The following MAPT variants were observed in gnomAD, a reference collection of about 807,000 sequenced individuals.
MAPT encodes the protein microtubule-associated protein tau.
MAPT carries 34 observed loss-of-function variants against 67.9 expected under a neutral mutation model. The observed-to-expected ratio is 0.50, with a 90% CI of 0.38 to 0.67. The LOEUF is 0.67. MAPT is among the 30% of genes least tolerant of loss of function. The pLI is 0.00. For missense variants in MAPT, 881 were observed against 1,115.2 expected, an observed-to-expected ratio of 0.79 and a Z score of 2.99; for synonymous variants, 456 against 464.5, an observed-to-expected ratio of 0.98 and a Z score of 0.23.
chr17:45,941,712 T>C lies in MAPT; in HGVS notation c.-17-20609T>C, dbSNP rs1393546105. ...CTTCCTTCCTTCCTGCCTGCCTTCC[T>C]TCCTTCCTTCCTTCCTTCCTTCCTT... On this transcript the variant is annotated intron_variant, in intron 1 of 12. Coordinates refer to ENST00000262410, the MANE Select transcript of MAPT (RefSeq NM_001377265.1). 1.7e-3 allele frequency among the ~76,000 whole-genome samples: 192 copies of C among 110,236 alleles called. 4 individuals are homozygous for C. The highest frequency in any genetic ancestry group is 5.1e-3 in the Middle Eastern group (1 of 196). The allele number at this position is 110,236 out of a possible 152,430, so 72.3% of individuals were successfully genotyped here. A position where few individuals can be genotyped will look rare whatever the true frequency, so the allele number is the denominator to read the frequency against.
At chr17:45,961,472 G>A (rs2070404065) in intron 1 of MAPT, among the ~76,000 whole-genome samples, 1 of 152,210 alleles carries the variant, frequency 6.6e-6, no homozygotes, top group African/African-American at 2.4e-5. Flanking sequence ...GCCACAGCCT[G>A]ACTCCAGGAA....
At chr17:45,914,585 T>C (rs771174695) in intron 1 of MAPT, among the ~76,000 whole-genome samples, 3 of 152,176 alleles carry the variant, frequency 2.0e-5, no homozygotes, top group Non-Finnish European at 2.9e-5. Flanking sequence ...CACACAGACA[T>C]AGCCTAACTC....
At chr17:45,903,520 C>A (rs1281264479) in intron 1 of MAPT, among the ~76,000 whole-genome samples, 1 of 151,242 alleles carries the variant, frequency 6.6e-6, no homozygotes, top group African/African-American at 2.4e-5. Flanking sequence ...GAGATTGAGA[C>A]CATCCTGGCT....
intron 4 of MAPT, chr17:45,979,501 T>G (rs1282705432): frequency 6.6e-6 from 1 of 152,236 alleles, no homozygotes; most frequent in African/African-American, 2.4e-5. Flanking sequence ...TACACATTCC[T>G]GCCCCCAGAG....
rs1446770014 is a variant in MAPT, at chr17:45,997,000, C to G, written c.1998+336C>G. The stretch of plus-strand genomic sequence containing the variant: ...GGCTGTGTCTCCACGGCCGGAGGCT[C>G]TCATAGTCAGGGCACCCACAGCGGT... On this transcript the variant is annotated intron_variant, in intron 9 of 12. Transcript: ENST00000262410. This position sits in a 1 kb window ranked among gnomAD's most constrained non-coding sequence, Gnocchi z 4.5. Among the ~76,000 whole-genome samples, 1 of 152,218 alleles carries G rather than the reference C, an allele frequency of 6.6e-6. No individual in the cohort carries two copies. Among genetic ancestry groups the G allele is most frequent in the Non-Finnish European group, 1.5e-5 (1 of 68,040 alleles).
Position 45,983,403 on chromosome 17 carries a change from G to A in MAPT, c.824G>A (p.Gly275Glu), listed in dbSNP as rs757159453. ...CTTCTAGGAGACCTGCACCAGGAGG[G>A]GCCGCCGCTGAAGGGGGCAGGGGGC... Reference protein sequence around the residue: ...HQLLGDLHQEGPPLKGAGGKE... With the variant: ...HQLLGDLHQEEPPLKGAGGKE... The change falls in exon 5 of 13, where the codon GGG (glycine) becomes GAG (glutamate). Residue 275 changes from glycine (G) to glutamate (E), a missense_variant. Gly to Glu is a moderately conservative substitution (Grantham distance 98). Coordinates refer to ENST00000262410, the MANE Select transcript of MAPT (RefSeq NM_001377265.1). 48 of 1,607,376 alleles carry A rather than the reference G, an allele frequency of 3.0e-5. No individual in the cohort carries two copies. The highest frequency in any genetic ancestry group is 3.9e-5 in the Non-Finnish European group (46 of 1,176,664).
At chr17:45,949,320 G>A (rs1401742435) in intron 1 of MAPT, among the ~76,000 whole-genome samples, 4 of 152,212 alleles carry the variant, frequency 2.6e-5, no homozygotes, top group Admixed American at 1.3e-4. Context: ...CTGGAAGCTC[G>A]GTCCAGGTCC....
rs144486242 is a variant in MAPT, at chr17:45,995,501, G to A, written c.1733-898G>A. On this transcript the variant is annotated intron_variant, in intron 8 of 12. Transcript: ENST00000262410. This position sits in a 1 kb window ranked among gnomAD's most constrained non-coding sequence, Gnocchi z 4.3. ...CACTTTGGAAAATACAGACCCATGAGATAGAATACCAGACTGTTGAAGTGT... is the reference window on the plus strand; with the variant it reads ...CACTTTGGAAAATACAGACCCATGAAATAGAATACCAGACTGTTGAAGTGT... 9.9e-3 allele frequency among the ~76,000 whole-genome samples: 1,515 copies of A among 152,270 alleles called. 17 individuals carry two copies. Among genetic ancestry groups the A allele is most frequent in the African/African-American group, 0.035 (1,436 of 41,544 alleles).
At position 45,917,180 on chromosome 17, in the gene MAPT, T is replaced by G. The variant is rs1364283280; in HGVS notation, c.-18+22494T>G. 2.0e-5 allele frequency among the ~76,000 whole-genome samples: 3 copies of G among 152,236 alleles called. No homozygotes were observed. The East Asian group carries it at 5.8e-4, about 29-fold the overall frequency. On this transcript the variant is annotated intron_variant, in intron 1 of 12. Transcript: ENST00000262410. ...TCCCTGCAGCCTCCTGCCCAACTCC[T>G]CCTTCAGTGTCTTTGCTTCAGTGTC...
In MAPT at chr17:45,946,618, AT is replaced by A. The variant is rs1568215827; in HGVS notation, c.-17-15702del. On this transcript the variant is annotated intron_variant, in intron 1 of 12. Transcript: ENST00000262410. ...TGTCTTAAAAAAAAAAAAAAAAAAT[AT>A]ATATATATATATATATATATGTCAA... is the stretch of plus-strand genomic sequence containing the variant. Among the ~76,000 whole-genome samples, 309 of 98,276 alleles carry A rather than the reference AT, an allele frequency of 3.1e-3. 3 individuals are homozygous for A. The highest frequency in any genetic ancestry group is 6.2e-3 in the East Asian group (26 of 4,166). The allele number at this position is 98,276 out of a possible 152,430, so 64.5% of individuals were successfully genotyped here. A position where few individuals can be genotyped will look rare whatever the true frequency, so the allele number is the denominator to read the frequency against.
chr17:45,910,662 T>G (rs2064711477), intron 1 of MAPT: 1 of 133,376 alleles, frequency 7.5e-6, no homozygotes. Flanking sequence ...GATGGCTTTT[T>G]CCTTAAAAAA....
chr17:46,002,285 C>T (rs1302102023), intron 9 of MAPT, among the ~76,000 whole-genome samples: 2 of 151,812 alleles, frequency 1.3e-5, no homozygotes, highest in Non-Finnish European at 2.9e-5. Context: ...CTGCTGGGGA[C>T]GGTTAAGCAG....
In MAPT at chr17:45,962,392, G is replaced by T; in HGVS notation, c.55G>T (p.Gly19Trp). The T allele has an allele frequency of 6.2e-7, 1 of 1,612,662 alleles. No homozygotes were observed. The highest frequency in any genetic ancestry group is 8.5e-7 in the Non-Finnish European group (1 of 1,179,932). Residue 19 changes from glycine (G) to tryptophan (W), a missense_variant, in exon 2 of 13, where the codon GGG (glycine) becomes TGG (tryptophan). By Grantham distance (184) the Gly-to-Trp change is radical. Around this residue, in one of 6 missense-constraint regions of MAPT, gnomAD observed 687 missense variants for 766.1 expected, o/e 0.90. Transcript: ENST00000262410. ...EVMEDHAGTY[G>W]LGDRKDQGGY... is the part of the protein sequence containing the mutation. ...GATGGAAGATCACGCTGGGACGTAC[G>T]GGTTGGGGGACAGGAAAGATCAGGG...
intron 1 of MAPT, among the ~76,000 whole-genome samples, chr17:45,945,495 T>A (rs1228003650): frequency 6.6e-6 from 1 of 152,164 alleles, no homozygotes; most frequent in Non-Finnish European, 1.5e-5. Flanking sequence ...CTACAAATTA[T>A]ACCCATTGGA....
chr17:45,986,963 C>A (rs1186858977), intron 5 of MAPT, 77 bp from the exon 6 acceptor site: 1 of 1,317,372 alleles, frequency 7.6e-7, no homozygotes, highest in Non-Finnish European at 1.1e-6. Context: ...CCAGAGAAAT[C>A]CAGCTTCACC....
At position 46,024,793 on chromosome 17, in the gene MAPT, AT is replaced by A. The variant is rs1157051118; in HGVS notation, c.*623del. 5.9e-6 allele frequency: 1 copy of A among 168,718 alleles called. No homozygotes were observed. The highest frequency in any genetic ancestry group is 2.4e-5 in the African/African-American group (1 of 41,612). 10.5% of individuals were successfully genotyped at this position (168,718 alleles called of 1,614,324 possible). A position where few individuals can be genotyped will look rare whatever the true frequency, so the allele number is the denominator to read the frequency against. On this transcript the variant is annotated 3_prime_UTR_variant, in exon 13 of 13. Coordinates refer to ENST00000262410, the MANE Select transcript of MAPT (RefSeq NM_001377265.1). Reference sequence around the variant, plus strand: ...GGAAGCCACGTGCTGGAGAGTAGACATCCCCCTCCTTGCCGCTGGGAGAGCC... The same window carrying A: ...GGAAGCCACGTGCTGGAGAGTAGACACCCCCTCCTTGCCGCTGGGAGAGCC...
Position 45,996,693 on chromosome 17 carries a change from G to T in MAPT, c.1998+29G>T. 6.2e-7 allele frequency: 1 copy of T among 1,611,206 alleles called. No homozygotes were observed. ...AGAGTGGCTGGCTGCGCGTGGAGGT[G>T]TGGGGGGCTGCGCCTGGAGGGGTAG... On this transcript the variant is annotated intron_variant, in intron 9 of 12. Coordinates refer to ENST00000262410, the MANE Select transcript of MAPT (RefSeq NM_001377265.1). The surrounding 1 kb of genome is among the most constrained non-coding windows in gnomAD (Gnocchi z 4.5).
Position 45,996,359 on chromosome 17 carries a change from C to T in MAPT, c.1733-40C>T. 1 of 1,604,868 alleles carries T rather than the reference C, an allele frequency of 6.2e-7. No homozygotes were observed. The highest frequency in any genetic ancestry group is 2.2e-5 in the East Asian group (1 of 44,870). ...CCCCCAGGGCCTTTTCTGACCCCAC[C>T]CACTCGAGTCCTGGCTTCACTCCCT... is the stretch of plus-strand genomic sequence containing the variant. On this transcript the variant is annotated intron_variant, in intron 8 of 12. Transcript: ENST00000262410. The surrounding 1 kb of genome is among the most constrained non-coding windows in gnomAD (Gnocchi z 4.5).
intron 1 of MAPT, among the ~76,000 whole-genome samples, chr17:45,901,853 AGTTTGGATTTTGGGTT>A (rs1244470838): frequency 6.6e-6 from 1 of 150,838 alleles, no homozygotes; most frequent in Non-Finnish European, 1.5e-5. Flanking sequence ...CTCCGATTTC[AGTTTGGATTTTGGGTT>A]TACATTGTGG....
Sources: gnomAD v4.1 joint callset for allele counts (sites outside exome capture counted in the v4.1 genomes callset) on GRCh38, gnomAD v4.1.1 for gene constraint, gnomAD v4.1.1 regional missense constraint, Gnocchi (gnomAD v3.1) non-coding constraint, MANE v1.5 for transcripts, NCBI Gene and HGNC (gene_info 2026-07-23, HGNC 2026-07-21) for gene names.